MYO7A: variants seen among roughly 807,000 people sequenced by gnomAD.
MYO7A encodes the protein unconventional myosin-VIIa.
MYO7A carries 210 observed loss-of-function variants against 263.8 expected under a neutral mutation model. The ratio of observed to expected loss-of-function variants is 0.80; its 90% CI spans 0.71 to 0.89. The LOEUF (loss-of-function observed/expected upper bound fraction) is 0.89. Ranked by LOEUF, MYO7A falls within the 40% of genes least tolerant of loss-of-function variation. The probability of loss-of-function intolerance (pLI) is 0.00; values close to 1 mark genes in which losing one functional copy is unlikely to be tolerated. For missense variants in MYO7A, 2,820 were observed against 2,968.3 expected (o/e 0.95, Z 1.16); for synonymous variants, 1,239 against 1,197.3 (o/e 1.03, Z -0.72).
rs1555084798 is a variant in MYO7A at position 77,181,972 on chromosome 11, G to C, written c.2926G>C (p.Glu976Gln). 6.2e-7 allele frequency: 1 copy of C among 1,613,238 alleles called. No homozygotes were observed. The highest frequency in any genetic ancestry group is 1.7e-5 in the Admixed American group (1 of 59,998). The change falls in exon 24 of 49, where the codon GAG becomes CAG. Residue 976 changes from glutamate to glutamine, a missense_variant. Glu to Gln is a conservative substitution (Grantham distance 29). Coordinates refer to ENST00000409709, the MANE Select transcript of MYO7A (RefSeq NM_000260.4). ...TCAGGACCTGGAGCGAGGGCGGAGG[G>C]AGATGGTGGAGGAGGACCTGGATGC... ...GFEDLERGRR[E>Q]MVEEDLDAAL...
chr11:77,156,864 T>C lies in MYO7A; in HGVS notation c.595T>C (p.Phe199Leu). The change falls in exon 7 of 49, where the codon TTT (phenylalanine) becomes CTT (leucine). Residue 199 changes from phenylalanine (F) to leucine (L), a missense_variant and splice_region_variant. Coordinates refer to ENST00000409709, the MANE Select transcript of MYO7A (RefSeq NM_000260.4). ...VLEATPILEA[F>L]GNAKTIRNDN... ...GTGACACCCTACTCACTCCGCAGCA[T>C]TTGGGAATGCCAAGACCATCCGCAA... 1 of 1,613,934 alleles carries C rather than the reference T, an allele frequency of 6.2e-7. No homozygotes were observed. The highest frequency in any genetic ancestry group is 1.1e-5 in the South Asian group (1 of 91,084).
At chr11:77,198,753 G>C in intron 34 of MYO7A, 132 bp downstream of exon 34, 1 of 1,365,360 alleles carries the variant, frequency 7.3e-7, no homozygotes, top group South Asian at 1.4e-5. Flanking sequence ...AGTTTGTGCC[G>C]CACTGTGCAG....
chr11:77,183,284 T>C, intron 26 of MYO7A, 127 bp downstream of exon 26: 1 of 809,554 alleles, frequency 1.2e-6, no homozygotes, highest in South Asian at 1.5e-5. Context: ...TCCTCAGGGG[T>C]CTTGGCTGGC....
intron 1 of MYO7A, 26 bp from the exon 2 acceptor site, chr11:77,130,563 G>C: frequency 6.3e-7 from 1 of 1,582,972 alleles, no homozygotes; most frequent in South Asian, 1.1e-5. Flanking sequence ...CTGCCCAGAA[G>C]CATGACATGG....
rs760292207 is a variant in MYO7A at position 77,194,449 on chromosome 11, C to T, written c.4248C>T (p.Tyr1416=). The T allele has an allele frequency of 3.7e-6, 6 of 1,611,128 alleles. No individual in the cohort carries two copies. Among genetic ancestry groups the T allele is most frequent in the Middle Eastern group, 1.7e-4 (1 of 6,054 alleles). The change falls in exon 32 of 49, where the codon TAC becomes TAT. Residue 1416 remains tyrosine (Y), a synonymous_variant. Transcript: ENST00000409709. The part of the protein sequence containing the change: ...LERLLNLVPT[Y]IPDREITPLK... ...GCCTCCTGAACCTCGTGCCCACCTA[C>T]ATCCCCGACCGCGAGATCACGCCCC...
intron 19 of MYO7A, 90 bp from the exon 20 acceptor site, chr11:77,178,955 T>C: frequency 2.0e-6 from 2 of 980,490 alleles, no homozygotes; most frequent in Non-Finnish European, 3.2e-6. Flanking sequence ...GTCACAGAGC[T>C]GGGACTCAGC....
intron 26 of MYO7A, among the ~76,000 whole-genome samples, chr11:77,184,338 G>A (rs1181656893): frequency 6.6e-6 from 1 of 152,178 alleles, no homozygotes; most frequent in Non-Finnish European, 1.5e-5. Flanking sequence ...GTATCGAGGA[G>A]GTGGCCAGAG....
chr11:77,136,668 G>A (rs150521289), intron 2 of MYO7A, among the ~76,000 whole-genome samples: 274 of 152,306 alleles, frequency 1.8e-3, no homozygotes, highest in African/African-American at 5.6e-3. Flanking sequence ...GGTGCATTAC[G>A]CATCTTAACC....
chr11:77,187,954 ACACTGCC>A (rs1955763649), intron 27 of MYO7A, among the ~76,000 whole-genome samples: 1 of 152,216 alleles, frequency 6.6e-6, no homozygotes, highest in Admixed American at 6.5e-5. Flanking sequence ...CGGGGTGGCC[ACACTGCC>A]CAGGGCCACC....
chr11:77,193,253 ATGG>A (rs139695638), intron 31 of MYO7A, among the ~76,000 whole-genome samples: 64,656 of 131,306 alleles, frequency 0.49, 15,766 homozygotes, highest in Admixed American at 0.6. Flanking sequence ...GATGTTAGTG[ATGG>A]TGGTGGTGGT....
chr11:77,159,117 A>G (rs1952751884), intron 9 of MYO7A, among the ~76,000 whole-genome samples: 1 of 152,196 alleles, frequency 6.6e-6, no homozygotes, highest in Non-Finnish European at 1.5e-5. Context: ...GGGGATCCAA[A>G]GCTTGTCTAA....
chr11:77,190,952 C>T (rs1956023568), intron 30 of MYO7A, 82 bp downstream of exon 30: 2 of 1,411,384 alleles, frequency 1.4e-6, no homozygotes, highest in Admixed American at 2.3e-5. Context: ...CACCTACTTG[C>T]CGGGGCTATT....
Position 77,172,855 on chromosome 11 carries a change from C to T in MYO7A, c.1905C>T (p.Cys635=). 2 of 1,552,118 alleles carry T rather than the reference C, an allele frequency of 1.3e-6. No individual in the cohort carries two copies. ...CCTGCCAGCCCTTCTTTGTGCGATG[C>T]ATCAAGCCCAATGAGTTCAAGAAGC... is the stretch of plus-strand genomic sequence containing the variant. ...LGACQPFFVR[C]IKPNEFKKPM... is the part of the protein sequence containing the mutation. Residue 635 remains cysteine, a synonymous_variant, in exon 16 of 49, where the codon TGC becomes TGT. Transcript: ENST00000409709.
chr11:77,201,736 C>A, intron 36 of MYO7A, 98 bp downstream of exon 36: 1 of 1,299,878 alleles, frequency 7.7e-7, no homozygotes, highest in Non-Finnish European at 1.1e-6. Context: ...TCTAGTGCAT[C>A]TGTGAAGATG....
rs1555045196 is a variant in MYO7A, at chr11:77,128,408, TGACCCA to T, written c.-126_-121del. On this transcript the variant is annotated 5_prime_UTR_variant, in exon 1 of 49. Coordinates refer to ENST00000409709, the MANE Select transcript of MYO7A (RefSeq NM_000260.4). ...TGTGTTTGCAGACTGGCTGGGCCCG[TGACCCA>T]GCTTCCTGAGTCCTCCGTGCAGGTG... 6.6e-6 allele frequency: 1 copy of T among 152,354 alleles called. No individual in the cohort carries two copies. Among genetic ancestry groups the T allele is most frequent in the African/African-American group, 2.4e-5 (1 of 41,470 alleles). The allele number at this position is 152,354 out of a possible 1,614,324, so 9.4% of individuals were successfully genotyped here. A position where few individuals can be genotyped will look rare whatever the true frequency, so the allele number is the denominator to read the frequency against.
chr11:77,194,023 G>C (rs765155377), intron 31 of MYO7A: 1 of 535,068 alleles, frequency 1.9e-6, no homozygotes, highest in South Asian at 1.5e-5. Flanking sequence ...TCTGGTCGCT[G>C]TCTCACAGGG....
At chr11:77,191,084 G>C in intron 30 of MYO7A, 1 of 474,092 alleles carries the variant, frequency 2.1e-6, no homozygotes, top group Non-Finnish European at 3.7e-6. Context: ...CACTTTGGGA[G>C]GCTGAGGCGG....
intron 3 of MYO7A, among the ~76,000 whole-genome samples, chr11:77,144,795 C>T (rs1218525946): frequency 6.6e-6 from 1 of 152,196 alleles, no homozygotes; most frequent in Non-Finnish European, 1.5e-5. Context: ...TTTCAGTCCC[C>T]ACTGGAATCC....
intron 27 of MYO7A, among the ~76,000 whole-genome samples, chr11:77,186,185 G>T (rs1381100978): frequency 6.6e-6 from 1 of 152,096 alleles, no homozygotes; most frequent in African/African-American, 2.4e-5. Flanking sequence ...CTCCCAAAAT[G>T]CTGGGATTCC....
Sources: gnomAD v4.1 joint callset for allele counts (sites outside exome capture counted in the v4.1 genomes callset) on GRCh38, gnomAD v4.1.1 for gene constraint, MANE v1.5 for transcripts, NCBI Gene and HGNC (gene_info 2026-07-23, HGNC 2026-07-21) for gene names.